Variants in TMEM80 observed in about 807,000 individuals in gnomAD.
TMEM80 encodes transmembrane protein 80.
TMEM80 carries 16 observed loss-of-function variants against 13.6 expected under a neutral mutation model. The ratio of observed to expected loss-of-function variants is 1.17; its 90% CI spans 0.79 to 1.78. The LOEUF (loss-of-function observed/expected upper bound fraction) is 1.78, where lower values mean the gene tolerates loss of function less well. Among genes scored for constraint, TMEM80 ranks in the 40% most tolerant of loss-of-function variants. The pLI, the probability that TMEM80 is intolerant of heterozygous loss-of-function variation, is 0.00. For missense variants in TMEM80, 167 were observed against 184.6 expected, an observed-to-expected ratio of 0.90 and a Z score of 0.55; for synonymous variants, 92 against 89.5, an observed-to-expected ratio of 1.03 and a Z score of -0.16.
At chr11:701,048 T>C in intron 4 of TMEM80, 1 of 364,648 alleles carries the variant, frequency 2.7e-6, no homozygotes, top group Non-Finnish European at 5.2e-6. Context: ...TTCCTTCCCC[T>C]TGCCCTTAGC....
At chr11:699,008 AG>A (rs1156568765) in intron 2 of TMEM80, 120 bp downstream of exon 2, 6 of 1,216,756 alleles carry the variant, frequency 4.9e-6, no homozygotes, top group South Asian at 2.4e-5. Flanking sequence ...CACTTTGGAG[AG>A]GGGGGTGTTC....
rs1403617907 is a variant in TMEM80 at position 704,059 on chromosome 11, T to C, written c.*909T>C. 6 of 1,146,328 alleles carry C rather than the reference T, an allele frequency of 5.2e-6. No individual in the cohort carries two copies. The South Asian group carries it at 1.6e-4, about 30-fold the overall frequency. The allele number at this position is 1,146,328 out of a possible 1,614,324, so 71.0% of individuals were successfully genotyped here. A position where few individuals can be genotyped will look rare whatever the true frequency, so the allele number is the denominator to read the frequency against. On this transcript the variant is annotated 3_prime_UTR_variant, in exon 5 of 5. Transcript: ENST00000397510. ...GTGTGTTTTCTATGTTTGGAATAAT[T>C]ACACCCAAATATCTAGATATTTTCT...
chr11:703,268 A>G lies in TMEM80; in HGVS notation c.*118A>G, dbSNP rs1352826948. On this transcript the variant is annotated 3_prime_UTR_variant, in exon 5 of 5. Coordinates refer to ENST00000397510, the MANE Select transcript of TMEM80 (RefSeq NM_001042463.3). Reference sequence around the variant, plus strand: ...CACTTTTCCTAGTGACTGGCCATAGATGGTTTTGGATGGTTCCATCTGTTC... The same window carrying G: ...CACTTTTCCTAGTGACTGGCCATAGGTGGTTTTGGATGGTTCCATCTGTTC... 1.4e-6 allele frequency: 2 copies of G among 1,445,790 alleles called. No individual in the cohort carries two copies. The highest frequency in any genetic ancestry group is 2.7e-5 in the Admixed American group (1 of 37,266). 89.6% of individuals were successfully genotyped at this position (1,445,790 alleles called of 1,614,324 possible). A position where few individuals can be genotyped will look rare whatever the true frequency, so the allele number is the denominator to read the frequency against.
Position 702,959 on chromosome 11 carries a change from C to T in TMEM80, c.241C>T (p.Leu81=), listed in dbSNP as rs771912725. The T allele has an allele frequency of 5.0e-6, 8 of 1,608,624 alleles. No homozygotes were observed. Among genetic ancestry groups the T allele is most frequent in the Non-Finnish European group, 5.9e-6 (7 of 1,178,052 alleles). Residue 81 remains leucine, a synonymous_variant, in exon 5 of 5, where the codon CTG becomes TTG. Transcript: ENST00000397510. Reference sequence around the variant, plus strand: ...CTGTTCTCCAGGCACCAGGGGCAACCTGACAGAGGCTGAGAGGCCGCTGGC... The same window carrying T: ...CTGTTCTCCAGGCACCAGGGGCAACTTGACAGAGGCTGAGAGGCCGCTGGC... ...VRLYLGTRGN[L]TEAERPLAAS... is the part of the protein sequence containing the mutation.
chr11:698,962 C>A, intron 2 of TMEM80, 74 bp downstream of exon 2: 2 of 1,583,160 alleles, frequency 1.3e-6, no homozygotes, highest in Non-Finnish European at 1.7e-6. Context: ...CACTCGGCCT[C>A]ACCCCACGTT....
chr11:704,792 A>T (rs560832770), downstream of TMEM80: 244 of 542,018 alleles, frequency 4.5e-4, 1 homozygote, highest in African/African-American at 1.4e-3. Context: ...CTCCGCACTC[A>T]AAATCGTGTT....
downstream of TMEM80, chr11:704,250 G>A (rs1253355159): frequency 1.4e-5 from 11 of 786,240 alleles, no homozygotes; most frequent in Admixed American, 1.5e-4. Flanking sequence ...CCTGGCTGCC[G>A]GGCGCCTTCC....
rs1462508976 is a variant in TMEM80, at chr11:695,839, G to T, written c.12G>T (p.Pro4=). The change falls in exon 1 of 5, where the codon CCG becomes CCT. Residue 4 remains proline (P), a synonymous_variant. Coordinates refer to ENST00000397510, the MANE Select transcript of TMEM80 (RefSeq NM_001042463.3). The part of the protein sequence containing the change: MAA[P]RRGRGSSTVL... ...GCGGGGCGGGTAAGATGGCGGCCCC[G>T]CGGCGAGGTGAGCTCGGGCGGGGTG... 8.1e-7 allele frequency: 1 copy of T among 1,230,136 alleles called. No homozygotes were observed. The highest frequency in any genetic ancestry group is 1.0e-6 in the Non-Finnish European group (1 of 986,172). The allele number at this position is 1,230,136 out of a possible 1,614,324, so 76.2% of individuals were successfully genotyped here. A position where few individuals can be genotyped will look rare whatever the true frequency, so the allele number is the denominator to read the frequency against.
At chr11:704,196 C>A, downstream of TMEM80, 1 of 1,033,150 alleles carries the variant, frequency 9.7e-7, no homozygotes, top group South Asian at 1.7e-5. Context: ...AGAGCACACC[C>A]CACTTGCCAG....
In TMEM80 at chr11:703,624, T is replaced by G; in HGVS notation, c.*474T>G. The G allele has an allele frequency of 8.1e-7, 1 of 1,232,780 alleles. No individual in the cohort carries two copies. The highest frequency in any genetic ancestry group is 1.0e-6 in the Non-Finnish European group (1 of 988,618). 76.4% of individuals were successfully genotyped at this position (1,232,780 alleles called of 1,614,324 possible). ...GCCAGGCCCCACCTGTGTTTCCAAG[T>G]CGGGCTGGAGACGCAGGATGGGGTA... On this transcript the variant is annotated 3_prime_UTR_variant, in exon 5 of 5. Coordinates refer to ENST00000397510, the MANE Select transcript of TMEM80 (RefSeq NM_001042463.3).
At chr11:697,810 C>T (rs374642086) in intron 1 of TMEM80, 7 of 152,290 alleles carry the variant, frequency 4.6e-5, no homozygotes, top group Non-Finnish European at 8.8e-5. Context: ...TGCTTCCATC[C>T]TGTGGTGCCT....
intron 2 of TMEM80, chr11:699,528 C>G (rs1861347861): frequency 6.5e-6 from 1 of 154,086 alleles, no homozygotes; most frequent in South Asian, 2.0e-4. Context: ...GGACAGATCA[C>G]TTGACACCAG....
chr11:702,882 G>C, intron 4 of TMEM80, 63 bp from the exon 5 acceptor site: 1 of 1,500,526 alleles, frequency 6.7e-7, no homozygotes, highest in Non-Finnish European at 9.1e-7. Flanking sequence ...CCAGGCACCT[G>C]TGGGCGGTGG....
At chr11:700,337 G>C (rs763910432) in intron 3 of TMEM80, 102 bp downstream of exon 3, 1 of 1,077,434 alleles carries the variant, frequency 9.3e-7, no homozygotes, top group Non-Finnish European at 1.4e-6. Flanking sequence ...GACCAGCCAG[G>C]CCAACATGGG....
At position 700,656 on chromosome 11, in the gene TMEM80, C is replaced by G. The variant is rs768837423; in HGVS notation, c.175C>G (p.Leu59Val). 4 of 1,614,048 alleles carry G rather than the reference C, an allele frequency of 2.5e-6. No individual in the cohort carries two copies. The highest frequency in any genetic ancestry group is 3.4e-6 in the Non-Finnish European group (4 of 1,180,046). Residue 59 changes from leucine (L) to valine (V), a missense_variant, in exon 4 of 5, where the codon CTT becomes GTT. Leu to Val is a conservative substitution (Grantham distance 32). Transcript: ENST00000397510. ...TCCTCACCGCTACCTGGTCCTCGAT[C>G]TTGCTCTGCTGTTTCTGATGGGGAT... ...SYPHRYLVLD[L>V]ALLFLMGILE... is the part of the protein sequence containing the mutation.
In TMEM80 at chr11:703,974, C is replaced by T. The variant is rs1208630321; in HGVS notation, c.*824C>T. 4.1e-6 allele frequency: 5 copies of T among 1,230,202 alleles called. No individual in the cohort carries two copies. The highest frequency in any genetic ancestry group is 5.1e-6 in the Non-Finnish European group (5 of 986,786). The allele number at this position is 1,230,202 out of a possible 1,614,324, so 76.2% of individuals were successfully genotyped here. ...TTTTTCCCATTCCCAGATTTACTAT[C>T]AGTTCTCCTTAAAAAGTATCTAAGC... is the stretch of plus-strand genomic sequence containing the variant. On this transcript the variant is annotated 3_prime_UTR_variant, in exon 5 of 5. Coordinates refer to ENST00000397510, the MANE Select transcript of TMEM80 (RefSeq NM_001042463.3).
At chr11:701,807 C>CA (rs1861509972) in intron 4 of TMEM80, among the ~76,000 whole-genome samples, 2 of 152,104 alleles carry the variant, frequency 1.3e-5, no homozygotes, top group Non-Finnish European at 2.9e-5. Flanking sequence ...CCTCACTCCC[C>CA]TTTTTTTAAC....
At chr11:701,172 A>C in intron 4 of TMEM80, 1 of 187,266 alleles carries the variant, frequency 5.3e-6, no homozygotes, top group Non-Finnish European at 1.1e-5. Flanking sequence ...CAAGTCTGCA[A>C]CCCCTTCCAG....
chr11:701,355 ATTTTGTTTTG>A (rs1013633727), intron 4 of TMEM80, among the ~76,000 whole-genome samples: 2 of 137,390 alleles, frequency 1.5e-5, no homozygotes, highest in South Asian at 2.3e-4. Context: ...CGCCCAGCTA[ATTTTGTTTTG>A]TTTTGTTTTG....
Sources: allele counts gnomAD v4.1 joint callset (sites outside exome capture counted in the v4.1 genomes callset), GRCh38; gene constraint gnomAD v4.1.1; transcripts MANE v1.5; gene names NCBI Gene and HGNC (gene_info 2026-07-23, HGNC 2026-07-21).